FNBP1L: variants seen among roughly 807,000 people sequenced by gnomAD.
FNBP1L encodes formin-binding protein 1-like.
A neutral mutation model predicts 91.2 loss-of-function variants in FNBP1L; 36 were observed. The ratio of observed to expected loss-of-function variants is 0.39; its 90% CI spans 0.30 to 0.52. The LOEUF is 0.52. Ranked by LOEUF, FNBP1L falls within the 20% of genes least tolerant of loss-of-function variation. The probability of loss-of-function intolerance (pLI) is 0.66; values close to 1 mark genes in which losing one functional copy is unlikely to be tolerated. For missense variants in FNBP1L, 571 were observed against 732.1 expected, an observed-to-expected ratio of 0.78 and a Z score of 2.54; for synonymous variants, 242 against 237.0, an observed-to-expected ratio of 1.02 and a Z score of -0.19.
intron 2 of FNBP1L, 66 bp downstream of exon 2, chr1:93,499,649 A>G: frequency 2.3e-6 from 2 of 882,142 alleles, no homozygotes; most frequent in Non-Finnish European, 3.5e-6. Flanking sequence ...ATATTAGAGG[A>G]ATGTGATAGT....
intron 16 of FNBP1L, chr1:93,551,604 GATAATTTAGTAAA>G (rs1325705371): frequency 4.4e-5 from 43 of 984,958 alleles, no homozygotes; most frequent in Non-Finnish European, 1.7e-5. Context: ...ATAGTAGTTG[GATAATTTAGTAAA>G]ATAATAACAT....
At chr1:93,514,024 C>CTG (rs1405825827) in intron 2 of FNBP1L, among the ~76,000 whole-genome samples, 2 of 152,136 alleles carry the variant, frequency 1.3e-5, no homozygotes, top group Non-Finnish European at 2.9e-5. Flanking sequence ...GAAAACCCCA[C>CTG]TGTCTCAGCC....
At chr1:93,529,575 T>A in intron 5 of FNBP1L, 77 bp from the exon 6 acceptor site, 1 of 866,222 alleles carries the variant, frequency 1.2e-6, no homozygotes, top group South Asian at 2.1e-5. Flanking sequence ...TTTCTCCTAA[T>A]GCTCTCTAAA....
At chr1:93,515,581 A>G (rs1570831450) in intron 2 of FNBP1L, among the ~76,000 whole-genome samples, 1 of 152,216 alleles carries the variant, frequency 6.6e-6, no homozygotes, top group African/African-American at 2.4e-5. Context: ...AATACTATGT[A>G]GCCATAAAAA....
intron 2 of FNBP1L, among the ~76,000 whole-genome samples, chr1:93,510,353 C>CA (rs1670787377): frequency 6.6e-6 from 1 of 152,184 alleles, no homozygotes; most frequent in Non-Finnish European, 1.5e-5. Context: ...GGCAGACTGA[C>CA]ACCTCACACG....
chr1:93,544,664 T>G (rs1305377008), intron 12 of FNBP1L, among the ~76,000 whole-genome samples: 2 of 152,198 alleles, frequency 1.3e-5, no homozygotes. Context: ...ATAAGACGTT[T>G]CCTCTAGTTT....
intron 7 of FNBP1L, among the ~76,000 whole-genome samples, chr1:93,532,374 G>A (rs1262528209): frequency 6.6e-6 from 1 of 151,618 alleles, no homozygotes; most frequent in Non-Finnish European, 1.5e-5. Context: ...GACCGAGGCA[G>A]GAGAATTGCT....
intron 2 of FNBP1L, among the ~76,000 whole-genome samples, chr1:93,512,842 C>CTT (rs1201889631): frequency 6.6e-6 from 1 of 151,984 alleles, no homozygotes; most frequent in African/African-American, 2.4e-5. Context: ...AATTGACACT[C>CTT]TAACATCACA....
At chr1:93,544,033 T>A in intron 11 of FNBP1L, 74 bp from the exon 12 acceptor site, 1 of 1,087,870 alleles carries the variant, frequency 9.2e-7, no homozygotes, top group Admixed American at 3.0e-5. Context: ...TGTATTCTTA[T>A]TTTATAGCAG....
At chr1:93,459,997 T>C (rs1668809936) in intron 1 of FNBP1L, among the ~76,000 whole-genome samples, 1 of 148,100 alleles carries the variant, frequency 6.8e-6, no homozygotes, top group African/African-American at 2.4e-5. Context: ...TATTGAAATA[T>C]TGGCATTATA....
intron 1 of FNBP1L, among the ~76,000 whole-genome samples, chr1:93,474,977 C>T (rs1669440336): frequency 6.6e-6 from 1 of 151,994 alleles, no homozygotes; most frequent in South Asian, 2.1e-4. Flanking sequence ...AGCACTGTGT[C>T]ATGATAACTG....
At chr1:93,485,687 G>A (rs970449965) in intron 1 of FNBP1L, among the ~76,000 whole-genome samples, 6 of 152,070 alleles carry the variant, frequency 3.9e-5, no homozygotes, top group Non-Finnish European at 8.8e-5. Context: ...TATGTTAAAT[G>A]CATTATTTAT....
intron 2 of FNBP1L, among the ~76,000 whole-genome samples, chr1:93,510,353 C>T (rs1419598621): frequency 1.3e-5 from 2 of 152,182 alleles, no homozygotes; most frequent in East Asian, 3.9e-4. Context: ...GGCAGACTGA[C>T]ACCTCACACG....
chr1:93,545,817 T>A (rs1282203253), intron 12 of FNBP1L, among the ~76,000 whole-genome samples: 1 of 150,164 alleles, frequency 6.7e-6, no homozygotes, highest in African/African-American at 2.5e-5. Flanking sequence ...TTCACCTGAT[T>A]GGATGCTGGA....
chr1:93,464,135 A>G (rs1379604488), intron 1 of FNBP1L, among the ~76,000 whole-genome samples: 1 of 152,188 alleles, frequency 6.6e-6, no homozygotes, highest in Non-Finnish European at 1.5e-5. Context: ...TTTTGGTAGG[A>G]ATGTAAAATG....
intron 5 of FNBP1L, among the ~76,000 whole-genome samples, chr1:93,526,868 T>C (rs1049490284): frequency 3.3e-5 from 5 of 152,190 alleles, no homozygotes; most frequent in African/African-American, 1.2e-4. Flanking sequence ...AATATAAAAA[T>C]ACTTTTGTAC....
chr1:93,515,953 A>G (rs1671089273), intron 2 of FNBP1L, among the ~76,000 whole-genome samples: 1 of 152,152 alleles, frequency 6.6e-6, no homozygotes, highest in Non-Finnish European at 1.5e-5. Flanking sequence ...TACCATAATA[A>G]TTGACCTATT....
rs1323565664 is a variant in FNBP1L, at chr1:93,534,809, G to T, written c.891G>T (p.Gly297=). The T allele has an allele frequency of 6.4e-7, 1 of 1,574,000 alleles. No individual in the cohort carries two copies. The highest frequency in any genetic ancestry group is 2.3e-5 in the East Asian group (1 of 43,196). ...ATATATATAGAACCATTTCTGATGG[G>T]ACTATCAGTGCATCCAAACAGGAGA... ...SQHIYRTISD[G]TISASKQESG... Residue 297 remains glycine, a synonymous_variant, in exon 9 of 17, where the codon GGG becomes GGT. Transcript: ENST00000271234.
intron 1 of FNBP1L, among the ~76,000 whole-genome samples, chr1:93,483,053 A>G (rs1282497767): frequency 4.6e-5 from 7 of 151,120 alleles, no homozygotes; most frequent in Non-Finnish European, 1.0e-4. Flanking sequence ...AAAAGTAGCC[A>G]AGCATGGTAT....
Sources: gnomAD v4.1 joint callset for allele counts (sites outside exome capture counted in the v4.1 genomes callset) on GRCh38, gnomAD v4.1.1 for gene constraint, MANE v1.5 for transcripts, NCBI Gene and HGNC (gene_info 2026-07-23, HGNC 2026-07-21) for gene names.